Variants in IQCE observed in about 807,000 individuals in gnomAD.
The protein encoded by IQCE is IQ domain-containing protein E.
A neutral mutation model predicts 96.0 loss-of-function variants in IQCE; 115 were observed. That is an observed-to-expected ratio of 1.20 (90% CI 1.03 to 1.40). The LOEUF is 1.40. Among genes scored for constraint, IQCE ranks in the 40% most tolerant of loss-of-function variants. The pLI, the probability that IQCE is intolerant of heterozygous loss-of-function variation, is 0.00. For synonymous variants in IQCE, 412 were observed against 371.2 expected, an observed-to-expected ratio of 1.11 and a Z score of -1.26; for missense variants, 1,041 against 909.1, an observed-to-expected ratio of 1.15 and a Z score of -1.87.
At position 2,614,172 on chromosome 7, in the gene IQCE, G is replaced by A. The variant is rs1785209616; in HGVS notation, c.*4010G>A. On this transcript the variant is annotated 3_prime_UTR_variant, in exon 22 of 22. Transcript: ENST00000402050. ...GGAAAAGATAGCCCAACCTAGCTCA[G>A]ATCCACCAAGATAAGCACAGCAAAG... 1 of 152,138 alleles carries A rather than the reference G, an allele frequency of 6.6e-6. No individual in the cohort carries two copies. The highest frequency in any genetic ancestry group is 2.4e-5 in the African/African-American group (1 of 41,408). The allele number at this position is 152,138 out of a possible 1,614,324, so 9.4% of individuals were successfully genotyped here.
At chr7:2,561,772 A>G (rs1780985977) in intron 1 of IQCE, among the ~76,000 whole-genome samples, 1 of 152,156 alleles carries the variant, frequency 6.6e-6, no homozygotes, top group Non-Finnish European at 1.5e-5. Context: ...TGCTGAACTC[A>G]TTTATTATGT....
chr7:2,569,860 G>A lies in IQCE; in HGVS notation c.130+861G>A, dbSNP rs889159566. Among the ~76,000 whole-genome samples, 4 of 152,322 alleles carry A rather than the reference G, an allele frequency of 2.6e-5. No individual in the cohort carries two copies. The South Asian group carries it at 8.3e-4, about 32-fold the overall frequency. On this transcript the variant is annotated intron_variant, in intron 3 of 21. Transcript: ENST00000402050. The stretch of plus-strand genomic sequence containing the variant: ...ATTAGGTAAATCCCTGCACAGAAAA[G>A]AATGCATGTTATATGTTACAAATCA...
intron 1 of IQCE, among the ~76,000 whole-genome samples, chr7:2,559,721 A>G (rs1263272625): frequency 1.7e-5 from 2 of 120,182 alleles, no homozygotes; most frequent in African/African-American, 3.2e-5. Flanking sequence ...TGCCCGGTAA[A>G]TATCTACTGT....
chr7:2,572,762 T>G, intron 5 of IQCE: 1 of 456,082 alleles, frequency 2.2e-6, no homozygotes, highest in Non-Finnish European at 4.4e-6. Flanking sequence ...CAGGCTGGTC[T>G]CAAATTCCTG....
chr7:2,598,175 G>A, intron 16 of IQCE: 1 of 319,496 alleles, frequency 3.1e-6, no homozygotes. Flanking sequence ...ACGGCCGTGT[G>A]AAGAAGCGTC....
intron 9 of IQCE, 108 bp downstream of exon 9, chr7:2,582,758 C>A: frequency 1.1e-6 from 1 of 919,646 alleles, no homozygotes; most frequent in African/African-American, 1.6e-5. Flanking sequence ...TACTCCCAGC[C>A]CAAAGCCGAA....
Position 2,598,633 on chromosome 7 carries a change from G to C in IQCE, c.1608+1G>C, listed in dbSNP as rs369051327. On this transcript the variant is annotated splice_donor_variant, in intron 17 of 21. Coordinates refer to ENST00000402050, the MANE Select transcript of IQCE (RefSeq NM_152558.5). LOFTEE classifies it high-confidence loss of function. Reference sequence around the variant, plus strand: ...CCAGTGGAAGGTGTACAAGCACAAGGTGAGGCTCCCCGGGGCGACCCGGGC... The same window carrying C: ...CCAGTGGAAGGTGTACAAGCACAAGCTGAGGCTCCCCGGGGCGACCCGGGC... 3.9e-6 allele frequency: 6 copies of C among 1,537,942 alleles called. No homozygotes were observed. Among genetic ancestry groups the C allele is most frequent in the Non-Finnish European group, 5.3e-6 (6 of 1,141,992 alleles).
intron 14 of IQCE, among the ~76,000 whole-genome samples, chr7:2,592,564 G>C (rs188647948): frequency 6.6e-6 from 1 of 152,226 alleles, no homozygotes; most frequent in African/African-American, 2.4e-5. Flanking sequence ...TCGAAGGCCA[G>C]TGTGTGGCCA....
At chr7:2,591,917 C>T (rs1164665751) in intron 14 of IQCE, among the ~76,000 whole-genome samples, 3 of 149,406 alleles carry the variant, frequency 2.0e-5, no homozygotes, top group African/African-American at 4.9e-5. Context: ...CCACCGCACC[C>T]GGGCCTGCCT....
chr7:2,585,200 G>A (rs1783004278), intron 11 of IQCE, among the ~76,000 whole-genome samples: 1 of 152,100 alleles, frequency 6.6e-6, no homozygotes, highest in Non-Finnish European at 1.5e-5. Flanking sequence ...ACCACACCCA[G>A]ATAATTTTTG....
chr7:2,603,989 CTTTT>C (rs11427354), intron 18 of IQCE, among the ~76,000 whole-genome samples: 10 of 125,900 alleles, frequency 7.9e-5, no homozygotes, highest in Non-Finnish European at 8.5e-5. Context: ...GCTTCCCTGT[CTTTT>C]TTTTTTTTTT....
chr7:2,592,446 C>T (rs907092310), intron 14 of IQCE, among the ~76,000 whole-genome samples: 3 of 152,196 alleles, frequency 2.0e-5, no homozygotes, highest in Admixed American at 6.5e-5. Context: ...AGGGGCTCTG[C>T]GAAGCACTCT....
Position 2,610,959 on chromosome 7 carries a change from G to C in IQCE, c.*797G>C, listed in dbSNP as rs559161355. 2.6e-5 allele frequency: 4 copies of C among 152,654 alleles called. No homozygotes were observed. Among genetic ancestry groups the C allele is most frequent in the African/African-American group, 9.6e-5 (4 of 41,576 alleles). 9.5% of individuals were successfully genotyped at this position (152,654 alleles called of 1,614,324 possible). On this transcript the variant is annotated 3_prime_UTR_variant, in exon 22 of 22. Transcript: ENST00000402050. The stretch of plus-strand genomic sequence containing the variant: ...GGTGGCGGGAGCCTTAGCCTGTGTG[G>C]GGCCACCCGGGGAAGAGGAGGAGAG...
chr7:2,579,666 TAAAGA>T (rs1374192312), intron 8 of IQCE, among the ~76,000 whole-genome samples: 2 of 151,956 alleles, frequency 1.3e-5, no homozygotes, highest in Non-Finnish European at 2.9e-5. Flanking sequence ...GGTACTTTTG[TAAAGA>T]AAAGGCTCCA....
chr7:2,572,365 G>A, intron 5 of IQCE, 39 bp downstream of exon 5: 2 of 1,599,776 alleles, frequency 1.3e-6, no homozygotes, highest in South Asian at 1.1e-5. Flanking sequence ...GGCCAAGGAA[G>A]AGCAGAAAGG....
At chr7:2,575,985 T>TC (rs1476524146) in intron 6 of IQCE, among the ~76,000 whole-genome samples, 1 of 152,192 alleles carries the variant, frequency 6.6e-6, no homozygotes, top group Non-Finnish European at 1.5e-5. Context: ...GAAGCGGCAG[T>TC]CCCGTTACTA....
chr7:2,611,906 C>G lies in IQCE; in HGVS notation c.*1744C>G, dbSNP rs1785118120. The G allele has an allele frequency of 6.6e-6, 1 of 152,050 alleles. No homozygotes were observed. Among genetic ancestry groups the G allele is most frequent in the Admixed American group, 6.6e-5 (1 of 15,252 alleles). The allele number at this position is 152,050 out of a possible 1,614,324, so 9.4% of individuals were successfully genotyped here. A position where few individuals can be genotyped will look rare whatever the true frequency, so the allele number is the denominator to read the frequency against. ...TAACTGACACAGGCCCTCTTTAGAC[C>G]CCTGCCTTCACCCCACCCGCCCGGG... On this transcript the variant is annotated 3_prime_UTR_variant, in exon 22 of 22. Coordinates refer to ENST00000402050, the MANE Select transcript of IQCE (RefSeq NM_152558.5).
intron 21 of IQCE, 147 bp downstream of exon 21, chr7:2,607,374 C>G (rs1405542084): frequency 1.4e-6 from 2 of 1,393,804 alleles, no homozygotes; most frequent in Non-Finnish European, 1.9e-6. Context: ...CTAAGCGTCG[C>G]CTTATGCCAG....
At position 2,572,223 on chromosome 7, in the gene IQCE, C is replaced by G; in HGVS notation, c.291C>G (p.Leu97=). ...TGACCCAGGCCCTGAACTCACCCCT[C>G]ACCTGGGAGCATGCGTGGACTGGCG... is the stretch of plus-strand genomic sequence containing the variant. ...GSLTQALNSP[L]TWEHAWTGVP... The change falls in exon 5 of 22, where the codon CTC becomes CTG. Residue 97 remains leucine (L), a synonymous_variant. Transcript: ENST00000402050. 6.2e-7 allele frequency: 1 copy of G among 1,614,198 alleles called. No individual in the cohort carries two copies. Among genetic ancestry groups the G allele is most frequent in the South Asian group, 1.1e-5 (1 of 91,086 alleles).
Sources: allele counts gnomAD v4.1 joint callset (sites outside exome capture counted in the v4.1 genomes callset), GRCh38; gene constraint gnomAD v4.1.1; transcripts MANE v1.5; gene names NCBI Gene and HGNC (gene_info 2026-07-23, HGNC 2026-07-21).